Variants in PPP4R2 observed in about 807,000 individuals in gnomAD.
PPP4R2 encodes protein phosphatase 4 regulatory subunit 2.
In PPP4R2, 13 loss-of-function variants were observed where a neutral mutation model predicts 47.2. That is an observed-to-expected ratio of 0.28 (90% CI 0.18 to 0.44). The LOEUF (loss-of-function observed/expected upper bound fraction) is 0.44. PPP4R2 is among the 20% of genes least tolerant of loss of function. The pLI, the probability that PPP4R2 is intolerant of heterozygous loss-of-function variation, is 1.00. For missense variants in PPP4R2, 421 were observed against 491.2 expected, an observed-to-expected ratio of 0.86 and a Z score of 1.35; for synonymous variants, 151 against 163.3, an observed-to-expected ratio of 0.92 and a Z score of 0.57.
chr3:73,052,723 C>T (rs991905435), intron 3 of PPP4R2, among the ~76,000 whole-genome samples: 8 of 152,194 alleles, frequency 5.3e-5, no homozygotes, highest in Admixed American at 2.0e-4. Flanking sequence ...CCTTTCTTGT[C>T]ATTGCTGTTA....
Position 72,997,013 on chromosome 3 carries a change from A to G in PPP4R2, c.-25A>G. On this transcript the variant is annotated 5_prime_UTR_variant, in exon 1 of 9. Coordinates refer to ENST00000356692, the MANE Select transcript of PPP4R2 (RefSeq NM_174907.4). The stretch of plus-strand genomic sequence containing the variant: ...CCAAGAGACCCGCGGAGGGAGGCGG[A>G]GGCTGTGAGGGACTCCGGGAAGCCA... 1 of 1,374,680 alleles carries G rather than the reference A, an allele frequency of 7.3e-7. No individual in the cohort carries two copies. Among genetic ancestry groups the G allele is most frequent in the African/African-American group, 1.5e-5 (1 of 66,818 alleles). 85.2% of individuals were successfully genotyped at this position (1,374,680 alleles called of 1,614,324 possible).
chr3:73,065,508 A>G lies in PPP4R2; in HGVS notation c.1040A>G (p.Glu347Gly). 6.2e-7 allele frequency: 1 copy of G among 1,611,884 alleles called. No homozygotes were observed. The highest frequency in any genetic ancestry group is 8.5e-7 in the Non-Finnish European group (1 of 1,179,688). ...EETSEENNQM[E>G]ESDVSQAEKD... Reference sequence around the variant, plus strand: ...ACTTCTGAGGAAAATAATCAAATGGAGGAATCTGATGTGTCTCAAGCTGAG... The same window carrying G: ...ACTTCTGAGGAAAATAATCAAATGGGGGAATCTGATGTGTCTCAAGCTGAG... The change falls in exon 9 of 9, where the codon GAG becomes GGG. Residue 347 changes from glutamate to glycine, a missense_variant. Glu to Gly is a moderately conservative substitution (Grantham distance 98). Coordinates refer to ENST00000356692, the MANE Select transcript of PPP4R2 (RefSeq NM_174907.4).
intron 3 of PPP4R2, among the ~76,000 whole-genome samples, chr3:73,056,324 G>A (rs1258384432): frequency 6.6e-6 from 1 of 152,100 alleles, no homozygotes; most frequent in Non-Finnish European, 1.5e-5. Flanking sequence ...TACTGTAATT[G>A]TAATTATTTA....
chr3:73,054,332 A>G (rs555471564), intron 3 of PPP4R2, among the ~76,000 whole-genome samples: 1 of 152,346 alleles, frequency 6.6e-6, no homozygotes, highest in South Asian at 2.1e-4. Flanking sequence ...GTGTATGTTT[A>G]TGTAAATATT....
intron 2 of PPP4R2, among the ~76,000 whole-genome samples, chr3:73,013,990 A>T (rs1244444407): frequency 1.4e-5 from 1 of 73,538 alleles, no homozygotes; most frequent in African/African-American, 4.1e-5. Flanking sequence ...CGTTGTCTTC[A>T]TGGGCTGCAT....
intron 3 of PPP4R2, among the ~76,000 whole-genome samples, chr3:73,052,987 T>G (rs933282045): frequency 6.6e-6 from 1 of 152,232 alleles, no homozygotes; most frequent in Non-Finnish European, 1.5e-5. Flanking sequence ...CACATTTGAT[T>G]TTCAGTTTGT....
intron 2 of PPP4R2, among the ~76,000 whole-genome samples, chr3:73,025,107 G>A (rs1297999325): frequency 6.6e-6 from 1 of 152,112 alleles, no homozygotes; most frequent in East Asian, 1.9e-4. Context: ...AACAGAGCTG[G>A]CTACTGGAGG....
rs1017799578 is a variant in PPP4R2 at position 72,998,167 on chromosome 3, A to G, written c.116+9A>G. On this transcript the variant is annotated intron_variant, in intron 2 of 8. Coordinates refer to ENST00000356692, the MANE Select transcript of PPP4R2 (RefSeq NM_174907.4). ...AAGACTGGAGAAACAATGTGAGTTG[A>G]AAACATGCATTTGTCGTTATAGACC... 4 of 1,583,810 alleles carry G rather than the reference A, an allele frequency of 2.5e-6. No homozygotes were observed. In the African/African-American group the frequency reaches 5.4e-5, roughly 21 times the overall value.
Position 73,068,431 on chromosome 3 carries a change from C to T in PPP4R2, c.*2709C>T, listed in dbSNP as rs1703045267. ...TTCCCTTTTAAAAAGTGAAAATATC[C>T]TTGTACATTTTTGAAAAATATATTT... On this transcript the variant is annotated 3_prime_UTR_variant, in exon 9 of 9. Transcript: ENST00000356692. 6.6e-6 allele frequency: 1 copy of T among 151,936 alleles called. No homozygotes were observed. Among genetic ancestry groups the T allele is most frequent in the Non-Finnish European group, 1.5e-5 (1 of 67,986 alleles). 9.4% of individuals were successfully genotyped at this position (151,936 alleles called of 1,614,324 possible). A position where few individuals can be genotyped will look rare whatever the true frequency, so the allele number is the denominator to read the frequency against.
In PPP4R2 at chr3:73,064,944, A is replaced by C. The variant is rs1444127862; in HGVS notation, c.731A>C (p.Glu244Ala). 6.2e-7 allele frequency: 1 copy of C among 1,613,798 alleles called. No individual in the cohort carries two copies. Among genetic ancestry groups the C allele is most frequent in the Non-Finnish European group, 8.5e-7 (1 of 1,179,830 alleles). The change falls in exon 8 of 9, where the codon GAG (glutamate) becomes GCG (alanine). Residue 244 changes from glutamate to alanine, a missense_variant. Glu to Ala is a moderately radical substitution (Grantham distance 107). Transcript: ENST00000356692. ...GATGCTGTGGAAGCTGAGGGGCATG[A>C]GGTAAAAAGACTCAGGTTTGACAAA... The part of the protein sequence containing the change: ...DEDAVEAEGH[E>A]VKRLRFDKEG...
At chr3:73,051,303 G>A (rs1702607337) in intron 3 of PPP4R2, among the ~76,000 whole-genome samples, 2 of 152,204 alleles carry the variant, frequency 1.3e-5, no homozygotes, top group African/African-American at 4.8e-5. Context: ...CTGCAAAATT[G>A]ACTTAGCAAA....
intron 4 of PPP4R2, among the ~76,000 whole-genome samples, chr3:73,059,982 G>A (rs1215199553): frequency 3.3e-5 from 5 of 151,714 alleles, no homozygotes; most frequent in African/African-American, 1.2e-4. Context: ...AAGATTCAAG[G>A]TGTTTAAGGG....
chr3:73,054,425 A>G (rs1702687017), intron 3 of PPP4R2, among the ~76,000 whole-genome samples: 1 of 152,222 alleles, frequency 6.6e-6, no homozygotes, highest in Non-Finnish European at 1.5e-5. Context: ...CTTTTGTAAG[A>G]CTTTGTAGGT....
At chr3:73,063,824 A>T in intron 6 of PPP4R2, 77 bp downstream of exon 6, 2 of 1,190,784 alleles carry the variant, frequency 1.7e-6, no homozygotes, top group South Asian at 2.6e-5. Flanking sequence ...GTACTTTTTA[A>T]AAATTGGGCA....
chr3:73,025,629 C>T (rs1330868840), intron 2 of PPP4R2, among the ~76,000 whole-genome samples: 2 of 152,034 alleles, frequency 1.3e-5, no homozygotes, highest in Non-Finnish European at 2.9e-5. Context: ...TGCAAGGAGG[C>T]ATTTCAACTT....
chr3:73,062,760 A>G lies in PPP4R2; in HGVS notation c.420-913A>G, dbSNP rs1168949918. On this transcript the variant is annotated intron_variant, in intron 5 of 8. Coordinates refer to ENST00000356692, the MANE Select transcript of PPP4R2 (RefSeq NM_174907.4). ...TATTGGAAGACTTTCACATGGTGAG[A>G]GTGCTGATCTGCTAATCAGCTGCAA... The G allele has an allele frequency of 5.6e-6, 9 of 1,613,896 alleles. No homozygotes were observed. The highest frequency in any genetic ancestry group is 6.8e-6 in the Non-Finnish European group (8 of 1,179,898).
intron 2 of PPP4R2, among the ~76,000 whole-genome samples, chr3:73,019,643 G>C (rs1200347558): frequency 6.6e-6 from 1 of 152,152 alleles, no homozygotes; most frequent in African/African-American, 2.4e-5. Context: ...CAAAGTGCTG[G>C]GATTACAGGT....
intron 2 of PPP4R2, among the ~76,000 whole-genome samples, chr3:73,035,250 A>G (rs1702241798): frequency 6.6e-6 from 1 of 152,150 alleles, no homozygotes; most frequent in Admixed American, 6.5e-5. Flanking sequence ...TATCAAAAAG[A>G]CAAGCCAGGC....
chr3:73,015,586 C>G (rs1559550535), intron 2 of PPP4R2, among the ~76,000 whole-genome samples: 2 of 151,192 alleles, frequency 1.3e-5, no homozygotes, highest in East Asian at 3.9e-4. Context: ...AGCGATTCTT[C>G]TACCTCAGCC....
Sources: gnomAD v4.1 joint callset for allele counts (sites outside exome capture counted in the v4.1 genomes callset) on GRCh38, gnomAD v4.1.1 for gene constraint, MANE v1.5 for transcripts, NCBI Gene and HGNC (gene_info 2026-07-23, HGNC 2026-07-21) for gene names.